CNTNAP5: variants seen among roughly 807,000 people sequenced by gnomAD.
The protein encoded by CNTNAP5 is contactin associated protein family member 5.
CNTNAP5 carries 72 observed loss-of-function variants against 150.2 expected under a neutral mutation model. That is an observed-to-expected ratio of 0.48 (90% CI 0.40 to 0.58). The LOEUF (loss-of-function observed/expected upper bound fraction) is 0.58, where lower values mean the gene tolerates loss of function less well. Among genes scored for constraint, CNTNAP5 ranks in the 20% least tolerant of loss-of-function variants. CNTNAP5 has a pLI of 0.00. For missense variants in CNTNAP5, 1,636 were observed against 1,626.2 expected, an observed-to-expected ratio of 1.01 and a Z score of -0.10; for synonymous variants, 672 against 619.8, an observed-to-expected ratio of 1.08 and a Z score of -1.25.
chr2:124,758,586 A>G (rs903989236), intron 14 of CNTNAP5, among the ~76,000 whole-genome samples: 1 of 152,080 alleles, frequency 6.6e-6, no homozygotes, highest in Non-Finnish European at 1.5e-5. Context: ...CTGAAGGGGA[A>G]AAAGGCCAAT....
At chr2:124,640,962 C>T (rs1404926507) in intron 12 of CNTNAP5, among the ~76,000 whole-genome samples, 2 of 151,640 alleles carry the variant, frequency 1.3e-5, no homozygotes, top group Admixed American at 1.3e-4. Context: ...CCTGTCTGTA[C>T]TAAAAAATAC....
Position 124,518,910 on chromosome 2 carries a change from A to G in CNTNAP5, c.1328-5393A>G, listed in dbSNP as rs112166284. ...AGGCTGAGCCAGGAGAATCGCTTGA[A>G]CCCAGGAGGCGGAGGTTGCAGTGAG... On this transcript the variant is annotated intron_variant, in intron 8 of 23. Coordinates refer to ENST00000682447, the MANE Select transcript of CNTNAP5 (RefSeq NM_001367498.1). Among the ~76,000 whole-genome samples, 399 of 147,188 alleles carry G rather than the reference A, an allele frequency of 2.7e-3. 2 individuals carry two copies. Among genetic ancestry groups the G allele is most frequent in the African/African-American group, 9.7e-3 (384 of 39,602 alleles).
intron 1 of CNTNAP5, among the ~76,000 whole-genome samples, chr2:124,076,057 A>G (rs558639678): frequency 6.6e-6 from 1 of 152,288 alleles, no homozygotes; most frequent in South Asian, 2.1e-4. Context: ...GAGTCAGACC[A>G]AGATTATATG....
chr2:124,798,435 A>G (rs1211390671), intron 19 of CNTNAP5, 115 bp downstream of exon 19: 10 of 705,492 alleles, frequency 1.4e-5, no homozygotes, highest in South Asian at 1.8e-5. Context: ...TGGGAAGCTT[A>G]TTTCCAGACT....
At chr2:124,845,569 C>A (rs1320715541) in intron 19 of CNTNAP5, among the ~76,000 whole-genome samples, 1 of 151,518 alleles carries the variant, frequency 6.6e-6, no homozygotes, top group African/African-American at 2.4e-5. Flanking sequence ...GGTACCAATT[C>A]TTCTTTGAAT....
At chr2:124,524,022 G>T (rs995134259) in intron 8 of CNTNAP5, among the ~76,000 whole-genome samples, 6 of 151,578 alleles carry the variant, frequency 4.0e-5, no homozygotes, top group Non-Finnish European at 7.4e-5. Flanking sequence ...CATAACTTTG[G>T]TTGTGGTGTG....
chr2:124,749,696 G>A (rs1411834760), intron 14 of CNTNAP5, among the ~76,000 whole-genome samples: 1 of 152,162 alleles, frequency 6.6e-6, no homozygotes, highest in Admixed American at 6.5e-5. Context: ...TTACAGGCGT[G>A]AGCCAACGCT....
intron 1 of CNTNAP5, among the ~76,000 whole-genome samples, chr2:124,026,488 A>T (rs1427372144): frequency 6.6e-6 from 1 of 152,198 alleles, no homozygotes; most frequent in African/African-American, 2.4e-5. Context: ...GCTCCCGGGG[A>T]TCCACCAACT....
intron 13 of CNTNAP5, among the ~76,000 whole-genome samples, chr2:124,715,018 C>A (rs180757335): frequency 1.3e-5 from 2 of 152,210 alleles, no homozygotes; most frequent in African/African-American, 4.8e-5. Flanking sequence ...ACAGGACTAC[C>A]ATGAATAAGA....
chr2:124,147,241 G>A (rs1478615330), intron 1 of CNTNAP5, among the ~76,000 whole-genome samples: 1 of 152,140 alleles, frequency 6.6e-6, no homozygotes, highest in Non-Finnish European at 1.5e-5. Flanking sequence ...AATACTTTGG[G>A]CAAGGTTTGT....
intron 18 of CNTNAP5, among the ~76,000 whole-genome samples, chr2:124,793,709 G>A (rs952767826): frequency 1.3e-5 from 2 of 152,014 alleles, no homozygotes; most frequent in Admixed American, 6.6e-5. Flanking sequence ...TGAGGTAGGG[G>A]GTCCAGCTTT....
chr2:124,044,035 T>A (rs1033655806), intron 1 of CNTNAP5, among the ~76,000 whole-genome samples: 2 of 152,204 alleles, frequency 1.3e-5, no homozygotes, highest in African/African-American at 4.8e-5. Context: ...TTGTACAGTA[T>A]ACATTACATC....
At chr2:124,209,976 C>T (rs1265270572) in intron 1 of CNTNAP5, among the ~76,000 whole-genome samples, 2 of 152,098 alleles carry the variant, frequency 1.3e-5, no homozygotes, top group Non-Finnish European at 2.9e-5. Flanking sequence ...ATTGGCAAAT[C>T]CAAGCACAGA....
chr2:124,868,335 C>A (rs1677674466), intron 20 of CNTNAP5, among the ~76,000 whole-genome samples: 1 of 152,168 alleles, frequency 6.6e-6, no homozygotes, highest in South Asian at 2.1e-4. Context: ...GCTTCTCTAA[C>A]CTCATCTGAT....
intron 13 of CNTNAP5, among the ~76,000 whole-genome samples, chr2:124,713,381 T>TTCTTTCTTTCTTTCTC (rs1679878621): frequency 7.1e-6 from 1 of 140,376 alleles, no homozygotes; most frequent in Non-Finnish European, 1.5e-5. Context: ...CTTTCTTTCT[T>TTCTTTCTTTCTTTCTC]CTCCCTCTTT....
chr2:124,490,203 G>A (rs1558924787), intron 7 of CNTNAP5, among the ~76,000 whole-genome samples: 1 of 151,988 alleles, frequency 6.6e-6, no homozygotes, highest in African/African-American at 2.4e-5. Context: ...GCATGGTGGT[G>A]TACACCTATA....
intron 3 of CNTNAP5, among the ~76,000 whole-genome samples, chr2:124,411,198 T>C (rs2104769723): frequency 6.6e-6 from 1 of 152,290 alleles, no homozygotes; most frequent in East Asian, 1.9e-4. Context: ...TGAATCTGAA[T>C]AGACCAATAA....
rs1352733004 is a variant in CNTNAP5 at position 124,774,217 on chromosome 2, T to A, written c.2752+1200T>A. Among the ~76,000 whole-genome samples, 4 of 152,068 alleles carry A rather than the reference T, an allele frequency of 2.6e-5. No homozygotes were observed. In the East Asian group the frequency reaches 7.7e-4, roughly 29 times the overall value. On this transcript the variant is annotated intron_variant, in intron 17 of 23. Coordinates refer to ENST00000682447, the MANE Select transcript of CNTNAP5 (RefSeq NM_001367498.1). ...TTGTTTCCTTTTTTGTTTATTTATT[T>A]TTTTTTTGCCAACTCCCACACTACA...
In CNTNAP5 at chr2:124,414,353, G is replaced by C. The variant is rs146788984; in HGVS notation, c.382-3090G>C. On this transcript the variant is annotated intron_variant, in intron 3 of 23. Coordinates refer to ENST00000682447, the MANE Select transcript of CNTNAP5 (RefSeq NM_001367498.1). ...TTGTAGCTTTGTTTAGATTCAATCT[G>C]CCTCTACTGTTAATGCTTTCTAGGT... 1.0e-2 allele frequency among the ~76,000 whole-genome samples: 1,515 copies of C among 152,190 alleles called. 29 individuals carry two copies. Among genetic ancestry groups the C allele is most frequent in the African/African-American group, 0.034 (1,402 of 41,522 alleles).
Sources: allele counts gnomAD v4.1 joint callset (sites outside exome capture counted in the v4.1 genomes callset), GRCh38; gene constraint gnomAD v4.1.1; transcripts MANE v1.5; gene names NCBI Gene and HGNC (gene_info 2026-07-23, HGNC 2026-07-21).